The following FRMD4B variants were observed in gnomAD, a reference collection of about 807,000 sequenced individuals.
FRMD4B encodes FERM domain-containing protein 4B.
FRMD4B carries 74 observed loss-of-function variants against 141.5 expected under a neutral mutation model. That is an observed-to-expected ratio of 0.52 (90% CI 0.43 to 0.63). The LOEUF is 0.63. Among genes scored for constraint, FRMD4B ranks in the 30% least tolerant of loss-of-function variants. The pLI is 0.00. For missense variants in FRMD4B, 1,366 were observed against 1,253.4 expected (o/e 1.09, Z -1.36); for synonymous variants, 506 against 467.9 (o/e 1.08, Z -1.05).
intron 5 of FRMD4B, among the ~76,000 whole-genome samples, chr3:69,258,415 G>C (rs1205746642): frequency 6.6e-6 from 1 of 151,954 alleles, no homozygotes; most frequent in Non-Finnish European, 1.5e-5. Flanking sequence ...TTTCACTAAT[G>C]TTTTCATCTT....
chr3:69,518,164 G>A (rs887688258), intron 1 of FRMD4B, among the ~76,000 whole-genome samples: 13 of 152,094 alleles, frequency 8.5e-5, no homozygotes, highest in African/African-American at 2.9e-4. Context: ...GACTGGTGCA[G>A]AGATTACAAT....
chr3:69,381,651 A>C (rs1479448027), intron 1 of FRMD4B, among the ~76,000 whole-genome samples: 2 of 152,210 alleles, frequency 1.3e-5, no homozygotes, highest in African/African-American at 4.8e-5. Context: ...AGAATTCACA[A>C]TTATGGGATA....
At chr3:69,249,699 G>A (rs1442093885) in intron 6 of FRMD4B, among the ~76,000 whole-genome samples, 3 of 152,124 alleles carry the variant, frequency 2.0e-5, no homozygotes, top group African/African-American at 7.2e-5. Context: ...ACAAGAAAAT[G>A]TATACAAAAG....
At chr3:69,222,052 G>A (rs73097740) in intron 8 of FRMD4B, 129 bp from the exon 9 acceptor site, 60,566 of 652,602 alleles carry the variant, frequency 0.093, 3,299 homozygotes, top group African/African-American at 0.17. Context: ...TTGGTAGATA[G>A]AGTTTGGCTT....
chr3:69,345,196 A>G (rs1271923792), intron 1 of FRMD4B, among the ~76,000 whole-genome samples: 1 of 152,226 alleles, frequency 6.6e-6, no homozygotes, highest in Non-Finnish European at 1.5e-5. Flanking sequence ...TATATCCTGC[A>G]CCTGACTCGG....
intron 4 of FRMD4B, among the ~76,000 whole-genome samples, chr3:69,301,321 GT>G (rs960075766): frequency 6.6e-6 from 1 of 151,494 alleles, no homozygotes; most frequent in Non-Finnish European, 1.5e-5. Flanking sequence ...ATTACTTCTT[GT>G]TTTTTTTGTT....
chr3:69,503,869 T>C (rs769828734), intron 1 of FRMD4B, among the ~76,000 whole-genome samples: 141 of 152,294 alleles, frequency 9.3e-4, no homozygotes, highest in Non-Finnish European at 9.7e-4. Context: ...TGTCCTCATC[T>C]GTAAAATGAT....
intron 1 of FRMD4B, chr3:69,536,234 T>C (rs1701082859): frequency 1.7e-6 from 1 of 604,296 alleles, no homozygotes; most frequent in Non-Finnish European, 3.1e-6. Flanking sequence ...TTTCTTGGCG[T>C]CCTTCCCCTT....
At chr3:69,311,395 G>T in intron 2 of FRMD4B, 38 bp from the exon 3 acceptor site, 1 of 1,027,970 alleles carries the variant, frequency 9.7e-7, no homozygotes, top group Non-Finnish European at 1.5e-6. Flanking sequence ...CAATTTGGTT[G>T]CCTCTCTCTT....
In FRMD4B at chr3:69,254,908, G is replaced by T. The variant is rs146590297; in HGVS notation, c.502-4809C>A. On this transcript the variant is annotated intron_variant, in intron 5 of 22. Transcript: ENST00000398540. ...TCCAGTCATGAGGAACCATGAGACAGATCCAATCTGAGGGATATTCTGTAA... is the reference window on the plus strand; with the variant it reads ...TCCAGTCATGAGGAACCATGAGACATATCCAATCTGAGGGATATTCTGTAA... Among the ~76,000 whole-genome samples the T allele has an allele frequency of 1.3e-3, 192 of 152,130 alleles. 1 individual carries two copies. Among genetic ancestry groups the T allele is most frequent in the Non-Finnish European group, 1.0e-3 (69 of 68,004 alleles).
In FRMD4B at chr3:69,290,780, ACT is replaced by A. The variant is rs570611853; in HGVS notation, c.417-2946_417-2945del. Among the ~76,000 whole-genome samples, 41 of 152,120 alleles carry A rather than the reference ACT, an allele frequency of 2.7e-4. 1 individual carries two copies. The South Asian group carries it at 7.1e-3, about 26-fold the overall frequency. ...GATGACCCTGATTTCACAGACGCAGACTCTGAGTTTTAGAGATCTGCCTACCT... is the reference window on the plus strand; with the variant it reads ...GATGACCCTGATTTCACAGACGCAGACTGAGTTTTAGAGATCTGCCTACCT... On this transcript the variant is annotated intron_variant, in intron 4 of 22. Transcript: ENST00000398540.
chr3:69,269,915 C>T (rs1050558429), intron 5 of FRMD4B, among the ~76,000 whole-genome samples: 14 of 152,210 alleles, frequency 9.2e-5, no homozygotes, highest in Admixed American at 4.6e-4. Context: ...CCACTGTGCC[C>T]GGCCTCATGT....
chr3:69,269,875 C>T (rs2093586388), intron 5 of FRMD4B, among the ~76,000 whole-genome samples: 1 of 152,242 alleles, frequency 6.6e-6, no homozygotes, highest in Non-Finnish European at 1.5e-5. Context: ...CCGCCTCAGC[C>T]TCCCAAAGTG....
At chr3:69,304,798 A>T (rs565151873) in intron 3 of FRMD4B, among the ~76,000 whole-genome samples, 2 of 152,266 alleles carry the variant, frequency 1.3e-5, no homozygotes, top group Admixed American at 6.5e-5. Context: ...ATCTAAGAAC[A>T]TGCTGATGGT....
chr3:69,320,600 T>C (rs900204877), intron 1 of FRMD4B, among the ~76,000 whole-genome samples: 1 of 152,158 alleles, frequency 6.6e-6, no homozygotes, highest in African/African-American at 2.4e-5. Context: ...AAACAGGAGT[T>C]ATATTTGAAA....
intron 1 of FRMD4B, among the ~76,000 whole-genome samples, chr3:69,530,898 T>C (rs1701000534): frequency 6.6e-6 from 1 of 152,116 alleles, no homozygotes; most frequent in African/African-American, 2.4e-5. Context: ...TTCCACAAAA[T>C]AGGCACAGAC....
upstream of FRMD4B, among the ~76,000 whole-genome samples, chr3:69,386,589 C>T (rs1205732254): frequency 1.3e-5 from 2 of 151,812 alleles, no homozygotes; most frequent in African/African-American, 2.4e-5. Context: ...AAAAAATCTC[C>T]AAGGCATCCC....
At chr3:69,411,221 A>G (rs540179385) in intron 2 of FRMD4B, among the ~76,000 whole-genome samples, 19 of 152,318 alleles carry the variant, frequency 1.2e-4, no homozygotes, top group African/African-American at 4.1e-4. Context: ...TTCATATGGT[A>G]TTCTAACTGT....
chr3:69,246,703 G>T (rs555942082), intron 7 of FRMD4B, among the ~76,000 whole-genome samples: 13 of 152,306 alleles, frequency 8.5e-5, no homozygotes, highest in African/African-American at 3.1e-4. Flanking sequence ...GATGTTGCCA[G>T]TCTGCGTGAT....
Sources: gnomAD v4.1 joint callset for allele counts (sites outside exome capture counted in the v4.1 genomes callset) on GRCh38, gnomAD v4.1.1 for gene constraint, MANE v1.5 for transcripts, NCBI Gene and HGNC (gene_info 2026-07-23, HGNC 2026-07-21) for gene names.